CTNNA2: variants seen among roughly 807,000 people sequenced by gnomAD.
CTNNA2 encodes the protein catenin alpha 2.
CTNNA2 carries 42 observed loss-of-function variants against 101.0 expected under a neutral mutation model. That is an observed-to-expected ratio of 0.42 (90% CI 0.32 to 0.54). The LOEUF is 0.54. Ranked by LOEUF, CTNNA2 falls within the 20% of genes least tolerant of loss-of-function variation. CTNNA2 has a pLI of 0.14. For missense variants in CTNNA2, 871 were observed against 1,223.1 expected (o/e 0.71, Z 4.29); for synonymous variants, 450 against 456.4 (o/e 0.99, Z 0.18).
At chr2:79,856,770 C>A (rs1681171769) in intron 3 of CTNNA2, among the ~76,000 whole-genome samples, 1 of 152,126 alleles carries the variant, frequency 6.6e-6, no homozygotes, top group Admixed American at 6.5e-5. Flanking sequence ...GTCTTCACAT[C>A]TAGTCAGCCC....
chr2:80,130,522 T>C (rs1044920921), intron 7 of CTNNA2, among the ~76,000 whole-genome samples: 2 of 152,146 alleles, frequency 1.3e-5, no homozygotes, highest in Non-Finnish European at 2.9e-5. Context: ...GAGAAAATGT[T>C]TGAAAATCAC....
At chr2:79,754,760 C>T (rs1373332434) in intron 3 of CTNNA2, among the ~76,000 whole-genome samples, 1 of 152,102 alleles carries the variant, frequency 6.6e-6, no homozygotes, top group Non-Finnish European at 1.5e-5. Flanking sequence ...GCCTGACTGC[C>T]TCTGTATGGA....
At position 79,469,049 on chromosome 2, in the gene CTNNA2, C is replaced by T. The variant is rs1191929990; in HGVS notation, c.-134-36005C>T. Among the ~76,000 whole-genome samples, 6 of 152,030 alleles carry T rather than the reference C, an allele frequency of 3.9e-5. No individual in the cohort carries two copies. The South Asian group carries it at 8.3e-4, about 21-fold the overall frequency. ...AAGATCAGAGCAGAACTGAAGGAGACAGAGACACAAAAAACCCTTCAAAAA... is the reference window on the plus strand; with the variant it reads ...AAGATCAGAGCAGAACTGAAGGAGATAGAGACACAAAAAACCCTTCAAAAA... On this transcript the variant is annotated intron_variant, in intron 4 of 21. Transcript: ENST00000466387.
intron 5 of CTNNA2, among the ~76,000 whole-genome samples, chr2:79,871,143 G>A (rs1049402814): frequency 7.9e-5 from 12 of 152,030 alleles, no homozygotes; most frequent in African/African-American, 2.4e-4. Context: ...AACATTTTGG[G>A]CCATTCGTAG....
intron 13 of CTNNA2, chr2:80,578,959 A>T (rs1250256230): frequency 5.9e-5 from 9 of 152,124 alleles, no homozygotes; most frequent in Non-Finnish European, 1.0e-4. Context: ...TCATTTATGA[A>T]TTTAGTTAAT....
chr2:79,276,274 A>T (rs1675210850), intron 2 of CTNNA2, among the ~76,000 whole-genome samples: 1 of 152,038 alleles, frequency 6.6e-6, no homozygotes, highest in South Asian at 2.1e-4. Flanking sequence ...ATTTGTTTTT[A>T]TATATTATTC....
intron 1 of CTNNA2, among the ~76,000 whole-genome samples, chr2:79,603,292 T>C (rs145621649): frequency 3.7e-4 from 56 of 152,322 alleles, no homozygotes; most frequent in African/African-American, 1.3e-3. Flanking sequence ...TGTAACATTT[T>C]AGAGAAAACT....
chr2:79,409,950 A>G, intron 4 of CTNNA2, among the ~76,000 whole-genome samples: 1 of 152,026 alleles, frequency 6.6e-6, no homozygotes. Context: ...ATGTTCTTCC[A>G]TGTCTTTGTA....
intron 4 of CTNNA2, among the ~76,000 whole-genome samples, chr2:79,402,527 C>A (rs538558965): frequency 6.6e-6 from 1 of 151,746 alleles, no homozygotes; most frequent in South Asian, 2.1e-4. Flanking sequence ...TCAATAATGA[C>A]TAATAAAATA....
chr2:80,073,125 T>C (rs1334841065), intron 7 of CTNNA2, among the ~76,000 whole-genome samples: 1 of 152,208 alleles, frequency 6.6e-6, no homozygotes, highest in Admixed American at 6.5e-5. Flanking sequence ...TGTGGGTTTG[T>C]GGCATAAGGT....
At chr2:79,802,646 G>A (rs867814774) in intron 3 of CTNNA2, among the ~76,000 whole-genome samples, 14 of 152,176 alleles carry the variant, frequency 9.2e-5, no homozygotes, top group African/African-American at 2.9e-4. Flanking sequence ...ACAGAATGAA[G>A]CAAGGAGACT....
At chr2:80,534,306 A>C (rs900993093) in intron 9 of CTNNA2, among the ~76,000 whole-genome samples, 1 of 152,292 alleles carries the variant, frequency 6.6e-6, no homozygotes, top group Non-Finnish European at 1.5e-5. Flanking sequence ...ATGTTGTATA[A>C]GGTTCACTTG....
At chr2:79,282,059 T>A (rs981818538) in intron 2 of CTNNA2, among the ~76,000 whole-genome samples, 2 of 152,138 alleles carry the variant, frequency 1.3e-5, no homozygotes, top group African/African-American at 2.4e-5. Flanking sequence ...ATCATCTAAT[T>A]TTTTAGGTTG....
Position 79,275,073 on chromosome 2 carries a change from A to C in CTNNA2, c.-405-37636A>C, listed in dbSNP as rs545007761. On this transcript the variant is annotated intron_variant, in intron 2 of 21. Transcript: ENST00000466387. The stretch of plus-strand genomic sequence containing the variant: ...GTGGAAAGAAAGGGGCTCCAGTGGG[A>C]CTACCTGGAAGGCTTCAGTTATTTT... Among the ~76,000 whole-genome samples, 25 of 152,174 alleles carry C rather than the reference A, an allele frequency of 1.6e-4. No homozygotes were observed. In the East Asian group the frequency reaches 4.9e-3, roughly 30 times the overall value.
At chr2:79,469,057 CA>C (rs997356617) in intron 4 of CTNNA2, among the ~76,000 whole-genome samples, 13 of 151,816 alleles carry the variant, frequency 8.6e-5, no homozygotes, top group Admixed American at 3.3e-4. Context: ...GACAGAGACA[CA>C]AAAAACCCTT....
At chr2:80,502,043 G>A (rs530930704) in intron 9 of CTNNA2, among the ~76,000 whole-genome samples, 8 of 152,150 alleles carry the variant, frequency 5.3e-5, no homozygotes, top group Non-Finnish European at 1.0e-4. Context: ...AAACATGGCT[G>A]TGGAGTCAGA....
chr2:79,310,184 T>G (rs1676335298), intron 2 of CTNNA2, among the ~76,000 whole-genome samples: 1 of 152,184 alleles, frequency 6.6e-6, no homozygotes, highest in Non-Finnish European at 1.5e-5. Context: ...GTACTTAGAC[T>G]ATGTTGCACT....
chr2:79,539,325 T>G (rs1405527387), intron 1 of CTNNA2, among the ~76,000 whole-genome samples: 1 of 152,144 alleles, frequency 6.6e-6, no homozygotes, highest in African/African-American at 2.4e-5. Flanking sequence ...ATCAAGAGCG[T>G]GTTTAGAAAG....
At chr2:79,380,717 A>G (rs1246817311) in intron 4 of CTNNA2, among the ~76,000 whole-genome samples, 1 of 152,204 alleles carries the variant, frequency 6.6e-6, no homozygotes, top group Non-Finnish European at 1.5e-5. Flanking sequence ...CTCCACAGGA[A>G]TATTTACCAA....
Sources: gnomAD v4.1 joint callset for allele counts (sites outside exome capture counted in the v4.1 genomes callset) on GRCh38, gnomAD v4.1.1 for gene constraint, MANE v1.5 for transcripts, NCBI Gene and HGNC (gene_info 2026-07-23, HGNC 2026-07-21) for gene names.